CLOCK: variants seen among roughly 807,000 people sequenced by gnomAD.
CLOCK encodes clock circadian regulator.
CLOCK carries 43 observed loss-of-function variants against 118.4 expected under a neutral mutation model. The ratio of observed to expected loss-of-function variants is 0.36; its 90% CI spans 0.28 to 0.47. CLOCK has a LOEUF of 0.47. Ranked by LOEUF, CLOCK falls within the 20% of genes least tolerant of loss-of-function variation. CLOCK has a pLI of 1.00. For missense variants in CLOCK, 846 were observed against 999.9 expected (o/e 0.85, Z 2.08); for synonymous variants, 326 against 339.2 (o/e 0.96, Z 0.43).
intron 7 of CLOCK, among the ~76,000 whole-genome samples, chr4:55,475,041 T>C (rs1577749638): frequency 6.6e-6 from 1 of 152,218 alleles, no homozygotes. Flanking sequence ...ATTCATGTGA[T>C]GGATCTGGGC....
At chr4:55,488,527 T>G (rs1727461072) in intron 3 of CLOCK, among the ~76,000 whole-genome samples, 1 of 152,214 alleles carries the variant, frequency 6.6e-6, no homozygotes, top group Non-Finnish European at 1.5e-5. Context: ...ATTCTCCCCA[T>G]CATTTACTGT....
At chr4:55,534,122 T>A (rs541881929) in intron 1 of CLOCK, among the ~76,000 whole-genome samples, 2 of 152,294 alleles carry the variant, frequency 1.3e-5, no homozygotes, top group South Asian at 4.1e-4. Context: ...TACCCTATGA[T>A]TAACAGCACT....
chr4:55,535,209 T>G (rs1730811962), intron 1 of CLOCK, among the ~76,000 whole-genome samples: 1 of 137,324 alleles, frequency 7.3e-6, no homozygotes, highest in African/African-American at 2.5e-5. Context: ...TTTTGCTTCT[T>G]GATTATGGTG....
chr4:55,518,371 AT>A (rs1388291028), intron 1 of CLOCK, among the ~76,000 whole-genome samples: 2 of 152,248 alleles, frequency 1.3e-5, no homozygotes, highest in East Asian at 3.9e-4. Context: ...TCTGGCAAAG[AT>A]TTTCCCACAG....
intron 5 of CLOCK, 137 bp from the exon 6 acceptor site, chr4:55,479,100 A>G (rs1271452700): frequency 4.5e-6 from 3 of 669,336 alleles, no homozygotes; most frequent in Non-Finnish European, 7.0e-6. Context: ...CAGGTTACCA[A>G]TATACAGTTA....
In CLOCK at chr4:55,510,401, C is replaced by G. The variant is rs142463111; in HGVS notation, c.-289-336G>C. Among the ~76,000 whole-genome samples the G allele has an allele frequency of 4.2e-3, 641 of 152,220 alleles. 6 individuals carry two copies. The highest frequency in any genetic ancestry group is 0.015 in the African/African-American group (614 of 41,540). On this transcript the variant is annotated intron_variant, in intron 1 of 22. Transcript: ENST00000513440. ...CAGCACTTTGGGAGGCCGAGGCAGGCAGATCACTTGAAGCCAGGAGTTCAA... is the reference window on the plus strand; with the variant it reads ...CAGCACTTTGGGAGGCCGAGGCAGGGAGATCACTTGAAGCCAGGAGTTCAA...
intron 3 of CLOCK, among the ~76,000 whole-genome samples, chr4:55,488,887 C>A (rs1419793378): frequency 6.6e-6 from 1 of 152,120 alleles, no homozygotes; most frequent in Non-Finnish European, 1.5e-5. Context: ...CATACGTCAT[C>A]ATGCCCAGCT....
intron 14 of CLOCK, chr4:55,453,458 T>C: frequency 4.0e-6 from 2 of 494,436 alleles, no homozygotes; most frequent in Non-Finnish European, 3.5e-6. Flanking sequence ...CAACTTCTGC[T>C]GTAAAGCACA....
Position 55,435,595 on chromosome 4 carries a change from C to G in CLOCK, c.2362-1G>C. The G allele has an allele frequency of 6.2e-7, 1 of 1,613,744 alleles. No homozygotes were observed. Among genetic ancestry groups the G allele is most frequent in the Non-Finnish European group, 8.5e-7 (1 of 1,179,808 alleles). On this transcript the variant is annotated splice_acceptor_variant, in intron 22 of 22. Transcript: ENST00000513440. LOFTEE classifies it high-confidence loss of function. ...GATTCCCATGGAGCAACCTAGAAGT[C>G]TAAAAAACAAATGGATTATGCAGCA...
chr4:55,462,302 T>C (rs1725398317), intron 9 of CLOCK, among the ~76,000 whole-genome samples: 1 of 152,220 alleles, frequency 6.6e-6, no homozygotes, highest in Admixed American at 6.5e-5. Context: ...CTTTCTTTTT[T>C]TTGAGACAGA....
At chr4:55,453,846 A>T (rs749583316) in intron 13 of CLOCK, 22 bp from the exon 14 acceptor site, 1 of 1,543,958 alleles carries the variant, frequency 6.5e-7, no homozygotes, top group Non-Finnish European at 8.9e-7. Flanking sequence ...ATAGAGAAAT[A>T]TTTTTTCTTT....
chr4:55,483,145 A>T (rs17085821), intron 3 of CLOCK, among the ~76,000 whole-genome samples: 11,518 of 152,248 alleles, frequency 0.076, 1,470 homozygotes, highest in African/African-American at 0.26. Flanking sequence ...GTCTGTAATA[A>T]CACCATCTAT....
At chr4:55,504,743 A>G (rs777032267) in intron 2 of CLOCK, among the ~76,000 whole-genome samples, 2 of 152,242 alleles carry the variant, frequency 1.3e-5, no homozygotes, top group Non-Finnish European at 2.9e-5. Flanking sequence ...TGAGATAATC[A>G]GGAAAAATAC....
rs559957500 is a variant in CLOCK at position 55,436,525 on chromosome 4, A to G, written c.2362-931T>C. On this transcript the variant is annotated intron_variant, in intron 22 of 22. Transcript: ENST00000513440. ...TGAAAGTCCTTTCCCCATTACTGAC[A>G]GTACAACTTGATGCAGGGTTCTTAA... Among the ~76,000 whole-genome samples the G allele has an allele frequency of 7.2e-5, 11 of 152,336 alleles. No individual in the cohort carries two copies. The East Asian group carries it at 2.1e-3, about 29-fold the overall frequency.
At chr4:55,523,608 G>C (rs1350231107) in intron 1 of CLOCK, among the ~76,000 whole-genome samples, 2 of 152,158 alleles carry the variant, frequency 1.3e-5, no homozygotes, top group African/African-American at 2.4e-5. Context: ...GCAACTGGCT[G>C]ATCATCCATG....
intron 1 of CLOCK, among the ~76,000 whole-genome samples, chr4:55,519,484 T>TC (rs1398720588): frequency 2.0e-5 from 3 of 152,108 alleles, no homozygotes; most frequent in Non-Finnish European, 2.9e-5. Context: ...TAGAGGCAGA[T>TC]CTTAAGAATA....
At chr4:55,456,861 T>G (rs114805814) in intron 11 of CLOCK, among the ~76,000 whole-genome samples, 3 of 151,998 alleles carry the variant, frequency 2.0e-5, no homozygotes, top group African/African-American at 7.2e-5. Flanking sequence ...GTATTTTTAT[T>G]TGTAGAGGTG....
intron 22 of CLOCK, among the ~76,000 whole-genome samples, chr4:55,436,963 C>G (rs1347978557): frequency 1.5e-5 from 2 of 136,894 alleles, no homozygotes; most frequent in African/African-American, 5.4e-5. Context: ...ACTTAGAAGA[C>G]TGAGATGTTA....
rs373727584 is a variant in CLOCK, at chr4:55,488,365, T to C, written c.-44+1009A>G. Among the ~76,000 whole-genome samples the C allele has an allele frequency of 9.7e-4, 147 of 152,310 alleles. 1 individual carries two copies. Among genetic ancestry groups the C allele is most frequent in the African/African-American group, 3.1e-3 (128 of 41,564 alleles). On this transcript the variant is annotated intron_variant, in intron 3 of 22. Coordinates refer to ENST00000513440, the MANE Select transcript of CLOCK (RefSeq NM_004898.4). ...CCCAAATCCACACCCCTAGAATAGATTGTCAAATGCAGTCAGATATCCAAC... is the reference window on the plus strand; with the variant it reads ...CCCAAATCCACACCCCTAGAATAGACTGTCAAATGCAGTCAGATATCCAAC...
Sources: gnomAD v4.1 joint callset for allele counts (sites outside exome capture counted in the v4.1 genomes callset) on GRCh38, gnomAD v4.1.1 for gene constraint, MANE v1.5 for transcripts, NCBI Gene and HGNC (gene_info 2026-07-23, HGNC 2026-07-21) for gene names.